The following RARB variants were observed in gnomAD, a reference collection of about 807,000 sequenced individuals.
RARB encodes the protein HBV-activated protein.
A neutral mutation model predicts 51.9 loss-of-function variants in RARB; 17 were observed. That is an observed-to-expected ratio of 0.33 (90% CI 0.22 to 0.49). The LOEUF is 0.49. Ranked by LOEUF, RARB falls within the 20% of genes least tolerant of loss-of-function variation. The pLI is 0.99. For synonymous variants in RARB, 215 were observed against 195.4 expected, an observed-to-expected ratio of 1.10 and a Z score of -0.84; for missense variants, 369 against 550.8, an observed-to-expected ratio of 0.67 and a Z score of 3.30.
At chr3:25,061,565 A>G (rs948145939) in intron 3 of RARB, among the ~76,000 whole-genome samples, 1 of 151,722 alleles carries the variant, frequency 6.6e-6, no homozygotes, top group Non-Finnish European at 1.5e-5. Flanking sequence ...GAGTACTTTA[A>G]GATTTGAACA....
At chr3:25,152,738 G>A (rs531605736) in intron 4 of RARB, among the ~76,000 whole-genome samples, 1 of 152,240 alleles carries the variant, frequency 6.6e-6, no homozygotes, top group South Asian at 2.1e-4. Flanking sequence ...ATATTTTGGA[G>A]TCTGTAATTG....
chr3:25,085,579 C>T (rs1699090525), intron 3 of RARB, among the ~76,000 whole-genome samples: 1 of 152,068 alleles, frequency 6.6e-6, no homozygotes, highest in Admixed American at 6.6e-5. Flanking sequence ...ATATCCAATT[C>T]AATTCATTTA....
At chr3:25,038,586 C>G (rs1475211292) in intron 2 of RARB, among the ~76,000 whole-genome samples, 4 of 152,030 alleles carry the variant, frequency 2.6e-5, no homozygotes, top group African/African-American at 9.7e-5. Flanking sequence ...GCAAATTGCC[C>G]TAAAAATCAC....
chr3:25,057,384 T>G (rs1464202117), intron 2 of RARB, among the ~76,000 whole-genome samples: 1 of 152,132 alleles, frequency 6.6e-6, no homozygotes, highest in Non-Finnish European at 1.5e-5. Flanking sequence ...TTCACTATTC[T>G]GGCCGTTTTT....
intron 5 of RARB, among the ~76,000 whole-genome samples, chr3:25,254,681 G>A (rs2125403736): frequency 6.6e-6 from 1 of 152,244 alleles, no homozygotes; most frequent in Non-Finnish European, 1.5e-5. Context: ...GAGAAGGAAG[G>A]AGAGGGAGGG....
intron 5 of RARB, among the ~76,000 whole-genome samples, chr3:25,276,861 G>A (rs902256315): frequency 6.6e-6 from 1 of 151,940 alleles, no homozygotes; most frequent in East Asian, 1.9e-4. Context: ...TGACTAATAC[G>A]GTATATATTG....
At chr3:25,105,316 G>C (rs1699478029) in intron 3 of RARB, among the ~76,000 whole-genome samples, 1 of 151,608 alleles carries the variant, frequency 6.6e-6, no homozygotes, top group African/African-American at 2.4e-5. Context: ...AAAAGGGCAG[G>C]GGAGAAAGAT....
At chr3:25,162,133 C>G (rs1010162768) in intron 4 of RARB, among the ~76,000 whole-genome samples, 1 of 152,138 alleles carries the variant, frequency 6.6e-6, no homozygotes, top group African/African-American at 2.4e-5. Context: ...GAGACAGACT[C>G]TCCCTCTGTC....
chr3:24,969,254 C>T (rs932360557), intron 2 of RARB, among the ~76,000 whole-genome samples: 1 of 152,020 alleles, frequency 6.6e-6, no homozygotes, highest in East Asian at 1.9e-4. Context: ...AGCAAAAGTA[C>T]CTTCCCTTTA....
chr3:25,436,349 A>G (rs1708436122), intron 1 of RARB, among the ~76,000 whole-genome samples: 1 of 152,256 alleles, frequency 6.6e-6, no homozygotes, highest in African/African-American at 2.4e-5. Context: ...GACCATTACA[A>G]GTAACCCAGA....
chr3:24,915,078 G>A (rs1417384863), intron 2 of RARB, among the ~76,000 whole-genome samples: 1 of 152,190 alleles, frequency 6.6e-6, no homozygotes, highest in Non-Finnish European at 1.5e-5. Flanking sequence ...GTGGTTAGTG[G>A]GGAGAGGACC....
intron 5 of RARB, among the ~76,000 whole-genome samples, chr3:25,590,802 C>A (rs1050604921): frequency 1.3e-5 from 2 of 152,202 alleles, no homozygotes; most frequent in African/African-American, 4.8e-5. Context: ...TTGACTGTCA[C>A]TTGATAACTC....
chr3:25,121,715 A>C (rs1258736042), intron 3 of RARB, among the ~76,000 whole-genome samples: 1 of 152,192 alleles, frequency 6.6e-6, no homozygotes, highest in Non-Finnish European at 1.5e-5. Context: ...TGTTTAGTAA[A>C]TACTTGCTGA....
At chr3:25,471,631 A>C (rs1408428550) in intron 2 of RARB, among the ~76,000 whole-genome samples, 2 of 151,832 alleles carry the variant, frequency 1.3e-5, no homozygotes, top group Non-Finnish European at 2.9e-5. Context: ...GCGTGGTAAA[A>C]ATAGTTTATT....
intron 2 of RARB, among the ~76,000 whole-genome samples, chr3:24,959,114 A>G (rs1297907849): frequency 3.3e-5 from 5 of 152,224 alleles, no homozygotes; most frequent in African/African-American, 9.6e-5. Flanking sequence ...TCTGGCATCC[A>G]TATGGACAGC....
chr3:24,951,562 A>G (rs1695892754), intron 2 of RARB, among the ~76,000 whole-genome samples: 1 of 152,214 alleles, frequency 6.6e-6, no homozygotes, highest in African/African-American at 2.4e-5. Flanking sequence ...GTCCGATGAC[A>G]TATAAGATCA....
At chr3:25,019,499 G>A (rs757244973) in intron 2 of RARB, among the ~76,000 whole-genome samples, 10 of 151,634 alleles carry the variant, frequency 6.6e-5, no homozygotes, top group South Asian at 4.2e-4. Context: ...TTTTCTTCAC[G>A]GGTTTATAAC....
chr3:25,359,272 G>T (rs563474071), intron 5 of RARB, among the ~76,000 whole-genome samples: 4 of 152,222 alleles, frequency 2.6e-5, no homozygotes, highest in Admixed American at 6.5e-5. Context: ...TTGCATAGAG[G>T]TGTTTATAGT....
intron 2 of RARB, among the ~76,000 whole-genome samples, chr3:25,474,672 T>C (rs925635576): frequency 2.6e-5 from 4 of 152,210 alleles, no homozygotes; most frequent in Non-Finnish European, 5.9e-5. Flanking sequence ...GTTTGTTGTG[T>C]TGAGCTGTGA....
Sources: allele counts gnomAD v4.1 joint callset (sites outside exome capture counted in the v4.1 genomes callset), GRCh38; gene constraint gnomAD v4.1.1; transcripts MANE v1.5; gene names NCBI Gene and HGNC (gene_info 2026-07-23, HGNC 2026-07-21).